Variants in NPTX2 observed in about 807,000 individuals in gnomAD.
The protein encoded by NPTX2 is neuronal pentraxin-2.
In NPTX2, 23 loss-of-function variants were observed where a neutral mutation model predicts 38.1. The observed-to-expected ratio is 0.60, with a 90% CI of 0.43 to 0.85. The LOEUF (loss-of-function observed/expected upper bound fraction) is 0.85, where lower values mean the gene tolerates loss of function less well. Ranked by LOEUF, NPTX2 falls within the 40% of genes least tolerant of loss-of-function variation. The pLI, the probability that NPTX2 is intolerant of heterozygous loss-of-function variation, is 0.00. For synonymous variants in NPTX2, 291 were observed against 287.3 expected (o/e 1.01, Z -0.13); for missense variants, 553 against 615.3 (o/e 0.90, Z 1.07).
intron 2 of NPTX2, chr7:98,620,098 A>G (rs1414335802): frequency 1.8e-6 from 1 of 562,844 alleles, no homozygotes; most frequent in Non-Finnish European, 3.2e-6. Context: ...ATAAGCAACC[A>G]CACGGGCGTT....
rs990205336 is a variant in NPTX2, at chr7:98,629,869, G to A, written c.*1240G>A. The A allele has an allele frequency of 6.6e-6, 1 of 152,244 alleles. No individual in the cohort carries two copies. The highest frequency in any genetic ancestry group is 1.5e-5 in the Non-Finnish European group (1 of 68,048). 9.4% of individuals were successfully genotyped at this position (152,244 alleles called of 1,614,324 possible). A position where few individuals can be genotyped will look rare whatever the true frequency, so the allele number is the denominator to read the frequency against. On this transcript the variant is annotated 3_prime_UTR_variant, in exon 5 of 5. Transcript: ENST00000265634. ...TTTCGATTAAAGTGCACTGAAAGAT[G>A]CTTCTGTGTTTGTCTTCCTCATGTT...
At chr7:98,618,387 G>T (rs545856086) in intron 1 of NPTX2, among the ~76,000 whole-genome samples, 1 of 152,290 alleles carries the variant, frequency 6.6e-6, no homozygotes, top group Admixed American at 6.5e-5. Context: ...GGGGGCGGAA[G>T]TCTGGGGGCG....
chr7:98,617,935 G>A (rs1427975311), intron 1 of NPTX2, 48 bp downstream of exon 1: 9 of 1,518,018 alleles, frequency 5.9e-6, no homozygotes, highest in Middle Eastern at 2.1e-4. Context: ...GGACGCTCCC[G>A]AGTCGGGGGC....
chr7:98,626,571 C>T (rs1277093703), intron 3 of NPTX2, among the ~76,000 whole-genome samples: 1 of 152,170 alleles, frequency 6.6e-6, no homozygotes, highest in Non-Finnish European at 1.5e-5. Context: ...GGGAGGGAGG[C>T]TTCGGGTTGC....
Position 98,617,824 on chromosome 7 carries a change from C to A in NPTX2, c.363C>A (p.Gly121=), listed in dbSNP as rs758211389. Residue 121 remains glycine, a synonymous_variant, in exon 1 of 5, where the codon GGC becomes GGA. Coordinates refer to ENST00000265634, the MANE Select transcript of NPTX2 (RefSeq NM_002523.3). ...DTMGDLPRDP[G]HVVEQLSRSL... ...TGGGCGACCTGCCGCGGGACCCCGG[C>A]CACGTCGTGGAGCAGCTCAGCCGCT... The A allele has an allele frequency of 4.5e-6, 7 of 1,545,988 alleles. No individual in the cohort carries two copies. Among genetic ancestry groups the A allele is most frequent in the Non-Finnish European group, 6.1e-6 (7 of 1,154,588 alleles).
At chr7:98,628,370 C>T in intron 4 of NPTX2, 32 bp from the exon 5 acceptor site, 4 of 1,124,026 alleles carry the variant, frequency 3.6e-6, no homozygotes, top group Non-Finnish European at 5.3e-6. Flanking sequence ...GTGAACCAGC[C>T]CTGACGCAGC....
In NPTX2 at chr7:98,627,284, G is replaced by A. The variant is rs113547096; in HGVS notation, c.1008G>A (p.Glu336=). The A allele has an allele frequency of 3.1e-6, 5 of 1,613,946 alleles. No individual in the cohort carries two copies. The highest frequency in any genetic ancestry group is 2.2e-5 in the East Asian group (1 of 44,866). The change falls in exon 4 of 5, where the codon GAG becomes GAA. Residue 336 remains glutamate, a synonymous_variant. Coordinates refer to ENST00000265634, the MANE Select transcript of NPTX2 (RefSeq NM_002523.3). The part of the protein sequence containing the change: ...FQDGEKLGTG[E]NLAPWHPIKP... ...ACGGAGAGAAGCTGGGCACTGGGGAGAACCTGGCCCCCTGGCACCCCATCA... is the reference window on the plus strand; with the variant it reads ...ACGGAGAGAAGCTGGGCACTGGGGAAAACCTGGCCCCCTGGCACCCCATCA...
At chr7:98,628,022 G>T (rs1315677478) in intron 4 of NPTX2, among the ~76,000 whole-genome samples, 1 of 152,260 alleles carries the variant, frequency 6.6e-6, no homozygotes, top group East Asian at 1.9e-4. Flanking sequence ...TTTTGATGAT[G>T]GACAGTGGGG....
In NPTX2 at chr7:98,624,989, C is replaced by T. The variant is rs573416055; in HGVS notation, c.711C>T (p.Tyr237=). ...TCCCACTCCGCACAAACTACCTATACGGCAAGATCAAGAAGACGCTGCCTG... is the reference window on the plus strand; with the variant it reads ...TCCCACTCCGCACAAACTACCTATATGGCAAGATCAAGAAGACGCTGCCTG... ...VSLPLRTNYL[Y]GKIKKTLPEL... The change falls in exon 3 of 5, where the codon TAC becomes TAT. Residue 237 remains tyrosine (Y), a synonymous_variant. Transcript: ENST00000265634. 3.7e-5 allele frequency: 59 copies of T among 1,613,930 alleles called. No homozygotes were observed. Among genetic ancestry groups the T allele is most frequent in the African/African-American group, 2.8e-4 (21 of 75,066 alleles).
At chr7:98,620,863 T>C (rs62474363) in intron 2 of NPTX2, among the ~76,000 whole-genome samples, 14,031 of 152,202 alleles carry the variant, frequency 0.092, 784 homozygotes, top group South Asian at 0.16. Flanking sequence ...ATGAGAGACC[T>C]TGGTGGCTGT....
In NPTX2 at chr7:98,625,138, A is replaced by G. The variant is rs766959687; in HGVS notation, c.860A>G (p.Asn287Ser). The stretch of plus-strand genomic sequence containing the variant: ...ATCGTGCTGATCGAGTGGGGCAACA[A>G]CCCCATCGAGCTGCTCATCAACGAC... Reference protein sequence around the residue: ...NEIVLIEWGNNPIELLINDKV... With the variant: ...NEIVLIEWGNSPIELLINDKV... Residue 287 changes from asparagine to serine, a missense_variant, in exon 3 of 5, where the codon AAC becomes AGC. Transcript: ENST00000265634. The G allele has an allele frequency of 6.2e-7, 1 of 1,603,586 alleles. No homozygotes were observed. Among genetic ancestry groups the G allele is most frequent in the East Asian group, 2.2e-5 (1 of 44,596 alleles).
chr7:98,628,374 A>G, intron 4 of NPTX2, 28 bp from the exon 5 acceptor site: 1 of 1,181,198 alleles, frequency 8.5e-7, no homozygotes, highest in Non-Finnish European at 1.2e-6. Flanking sequence ...ACCAGCCCTG[A>G]CGCAGCTCTC....
chr7:98,617,587 G>C lies in NPTX2; in HGVS notation c.126G>C (p.Pro42=). The change falls in exon 1 of 5, where the codon CCG becomes CCC. Residue 42 remains proline, a synonymous_variant. Coordinates refer to ENST00000265634, the MANE Select transcript of NPTX2 (RefSeq NM_002523.3). ...CAGAGGCGGTGCACGCCGGCTGCCCGCTGCCCGCGATGCCCATGCAGGGCG... is the reference window on the plus strand; with the variant it reads ...CAGAGGCGGTGCACGCCGGCTGCCCCCTGCCCGCGATGCCCATGCAGGGCG... ...LPPEAVHAGC[P]LPAMPMQGGA... 1 of 1,483,200 alleles carries C rather than the reference G, an allele frequency of 6.7e-7. No homozygotes were observed. The allele number at this position is 1,483,200 out of a possible 1,614,324, so 91.9% of individuals were successfully genotyped here.
intron 3 of NPTX2, 22 bp downstream of exon 3, chr7:98,625,188 A>G (rs776514726): frequency 1.9e-6 from 3 of 1,563,660 alleles, no homozygotes; most frequent in Non-Finnish European, 2.6e-6. Context: ...CTGCACCGCC[A>G]CCCTCCCCAG....
intron 1 of NPTX2, 52 bp downstream of exon 1, chr7:98,617,939 C>CG: frequency 1.3e-6 from 2 of 1,511,710 alleles, no homozygotes; most frequent in Non-Finnish European, 1.8e-6. Flanking sequence ...GCTCCCGAGT[C>CG]GGGGGCGGAA....
intron 3 of NPTX2, among the ~76,000 whole-genome samples, chr7:98,626,501 A>G (rs1791352939): frequency 6.6e-6 from 1 of 152,180 alleles, no homozygotes; most frequent in African/African-American, 2.4e-5. Context: ...CCTATGACAC[A>G]GTGGGGCTAA....
At chr7:98,618,281 C>T (rs574192314) in intron 1 of NPTX2, among the ~76,000 whole-genome samples, 3 of 152,252 alleles carry the variant, frequency 2.0e-5, no homozygotes, top group Admixed American at 1.3e-4. Context: ...GATGCGCTCC[C>T]GCAGGCCGTG....
At chr7:98,625,196 C>A in intron 3 of NPTX2, 30 bp downstream of exon 3, 1 of 1,556,952 alleles carries the variant, frequency 6.4e-7, no homozygotes, top group Non-Finnish European at 8.7e-7. Context: ...CCACCCTCCC[C>A]AGAACCCATC....
At chr7:98,626,882 C>A (rs1791359067) in intron 3 of NPTX2, among the ~76,000 whole-genome samples, 1 of 152,222 alleles carries the variant, frequency 6.6e-6, no homozygotes, top group Non-Finnish European at 1.5e-5. Context: ...TCCCGAGTTT[C>A]TCTGGCATGG....
Sources: gnomAD v4.1 joint callset for allele counts (sites outside exome capture counted in the v4.1 genomes callset) on GRCh38, gnomAD v4.1.1 for gene constraint, MANE v1.5 for transcripts, NCBI Gene and HGNC (gene_info 2026-07-23, HGNC 2026-07-21) for gene names.